CCDC102B: variants seen among roughly 807,000 people sequenced by gnomAD.
CCDC102B encodes the protein coiled-coil domain containing 102B.
Under a neutral mutation model 57.4 loss-of-function variants are expected in CCDC102B, and 75 were observed. The observed-to-expected ratio is 1.31, with a 90% CI of 1.08 to 1.58. The LOEUF is 1.58. CCDC102B is among the 40% of genes most tolerant of loss of function. CCDC102B has a pLI of 0.00. For synonymous variants in CCDC102B, 206 were observed against 201.9 expected, an observed-to-expected ratio of 1.02 and a Z score of -0.17; for missense variants, 636 against 582.6, an observed-to-expected ratio of 1.09 and a Z score of -0.94.
chr18:68,806,863 T>G (rs1313937237), intron 1 of CCDC102B, among the ~76,000 whole-genome samples: 6 of 152,164 alleles, frequency 3.9e-5, no homozygotes, highest in African/African-American at 1.4e-4. Flanking sequence ...TGTGTTTAAT[T>G]AGTACTCACC....
chr18:68,835,732 C>T (rs12454464), intron 1 of CCDC102B, among the ~76,000 whole-genome samples: 5 of 152,126 alleles, frequency 3.3e-5, no homozygotes, highest in African/African-American at 1.2e-4. Flanking sequence ...CTCTTATCTT[C>T]ATGATTCACC....
At chr18:68,875,447 A>G (rs981476025) in intron 5 of CCDC102B, among the ~76,000 whole-genome samples, 1 of 152,184 alleles carries the variant, frequency 6.6e-6, no homozygotes, top group African/African-American at 2.4e-5. Flanking sequence ...CTTGTCTTGG[A>G]ACAGATAATT....
intron 6 of CCDC102B, among the ~76,000 whole-genome samples, chr18:68,913,576 A>G (rs1015478950): frequency 2.0e-5 from 3 of 151,318 alleles, no homozygotes; most frequent in African/African-American, 7.3e-5. Context: ...AATCACTTCA[A>G]CCAGGGAGGC....
chr18:68,968,092 T>C (rs2050208245), intron 6 of CCDC102B, among the ~76,000 whole-genome samples: 1 of 152,174 alleles, frequency 6.6e-6, no homozygotes, highest in Admixed American at 6.6e-5. Flanking sequence ...TACAGTTATG[T>C]GTTGCCTAAT....
chr18:69,038,820 G>A (rs756485849), intron 7 of CCDC102B, among the ~76,000 whole-genome samples: 10 of 151,808 alleles, frequency 6.6e-5, no homozygotes, highest in Non-Finnish European at 1.2e-4. Context: ...ATGCATTAAA[G>A]GCATTATATA....
At chr18:68,738,993 C>CTTTTTTTT (rs201214278) in intron 2 of CCDC102B, among the ~76,000 whole-genome samples, 7,694 of 143,562 alleles carry the variant, frequency 0.054, 405 homozygotes, top group East Asian at 0.074. Context: ...GATGAGCAGC[C>CTTTTTTTT]TTTTGTTTTT....
At chr18:68,883,685 G>T (rs1367493816) in intron 5 of CCDC102B, among the ~76,000 whole-genome samples, 1 of 152,150 alleles carries the variant, frequency 6.6e-6, no homozygotes, top group African/African-American at 2.4e-5. Context: ...TCAACAGGGG[G>T]ATTTAATGAC....
chr18:68,972,295 G>A (rs1158470847), intron 6 of CCDC102B, among the ~76,000 whole-genome samples: 1 of 152,162 alleles, frequency 6.6e-6, no homozygotes, highest in African/African-American at 2.4e-5. Flanking sequence ...GGCATGTGCA[G>A]TCCCTGCCCT....
intron 4 of CCDC102B, among the ~76,000 whole-genome samples, chr18:68,865,160 C>T (rs546695145): frequency 6.6e-6 from 1 of 152,170 alleles, no homozygotes; most frequent in South Asian, 2.1e-4. Context: ...TGTGAACTCT[C>T]CTAGTCTTAT....
intron 2 of CCDC102B, among the ~76,000 whole-genome samples, chr18:68,752,644 T>C (rs569286753): frequency 2.6e-5 from 4 of 152,182 alleles, no homozygotes; most frequent in Non-Finnish European, 5.9e-5. Flanking sequence ...AATTTCATAC[T>C]AATTTTCACT....
chr18:68,993,895 A>G (rs116787079), intron 6 of CCDC102B, among the ~76,000 whole-genome samples: 2,400 of 152,294 alleles, frequency 0.016, 59 homozygotes, highest in African/African-American at 0.054. Context: ...ACCTTCCCAT[A>G]GTGTACGCCT....
chr18:68,915,121 A>G (rs1160653455), intron 6 of CCDC102B, among the ~76,000 whole-genome samples: 2 of 152,204 alleles, frequency 1.3e-5, no homozygotes, highest in Non-Finnish European at 2.9e-5. Flanking sequence ...AGTTACATTT[A>G]AGTAGATATC....
At chr18:68,764,724 A>C (rs2034367064) in intron 2 of CCDC102B, among the ~76,000 whole-genome samples, 1 of 152,108 alleles carries the variant, frequency 6.6e-6, no homozygotes, top group South Asian at 2.1e-4. Context: ...ACTACAAATA[A>C]ATTTTAAAAT....
At chr18:69,036,914 T>C (rs1359365082) in intron 7 of CCDC102B, among the ~76,000 whole-genome samples, 2 of 152,048 alleles carry the variant, frequency 1.3e-5, no homozygotes, top group African/African-American at 2.4e-5. Context: ...ACATCCTCGA[T>C]TGAAGTTATC....
At chr18:68,966,241 C>T (rs1362343314) in intron 6 of CCDC102B, among the ~76,000 whole-genome samples, 2 of 152,050 alleles carry the variant, frequency 1.3e-5, no homozygotes, top group East Asian at 3.9e-4. Context: ...TACTGGTAAT[C>T]CCTGTCTGAG....
rs1464921451 is a variant in CCDC102B, at chr18:68,837,272, A to C, written c.509A>C (p.His170Pro). Residue 170 changes from histidine (H) to proline (P), a missense_variant, in exon 2 of 8, where the codon CAT becomes CCT. His to Pro is a moderately conservative substitution (Grantham distance 77). Transcript: ENST00000360242. Reference protein sequence around the residue: ...LPGFVEESCEHTDQFQLSSQM... With the variant: ...LPGFVEESCEPTDQFQLSSQM... ...GGCTTCGTAGAAGAATCCTGTGAAC[A>C]TACAGACCAATTTCAATTGAGTTCA... The C allele has an allele frequency of 6.2e-7, 1 of 1,614,188 alleles. No individual in the cohort carries two copies.
At chr18:68,903,608 A>C (rs1307893454) in intron 6 of CCDC102B, among the ~76,000 whole-genome samples, 1 of 152,216 alleles carries the variant, frequency 6.6e-6, no homozygotes, top group Non-Finnish European at 1.5e-5. Context: ...ATAATAGCTC[A>C]ATTCTTCCAC....
chr18:68,715,766 A>G (rs2031923120), intron 1 of CCDC102B, among the ~76,000 whole-genome samples: 1 of 152,206 alleles, frequency 6.6e-6, no homozygotes, highest in African/African-American at 2.4e-5. Context: ...CTATACGACA[A>G]TGATTTGTAA....
chr18:69,037,092 CAA>C (rs2052316486), intron 7 of CCDC102B, among the ~76,000 whole-genome samples: 2 of 151,784 alleles, frequency 1.3e-5, no homozygotes, highest in Non-Finnish European at 2.9e-5. Flanking sequence ...TTACTCTTTG[CAA>C]AGTTTCTGCA....
Sources: allele counts gnomAD v4.1 joint callset (sites outside exome capture counted in the v4.1 genomes callset), GRCh38; gene constraint gnomAD v4.1.1; transcripts MANE v1.5; gene names NCBI Gene and HGNC (gene_info 2026-07-23, HGNC 2026-07-21).